Variants in THSD7A observed in about 807,000 individuals in gnomAD.
THSD7A encodes the protein thrombospondin type-1 domain-containing protein 7A.
Under a neutral mutation model 231.3 loss-of-function variants are expected in THSD7A, and 96 were observed. That is an observed-to-expected ratio of 0.41 (90% CI 0.35 to 0.49). The LOEUF (loss-of-function observed/expected upper bound fraction) is 0.49, where lower values mean the gene tolerates loss of function less well. THSD7A is among the 20% of genes least tolerant of loss of function. The pLI is 0.05. For synonymous variants in THSD7A, 940 were observed against 743.3 expected (o/e 1.26, Z -4.30); for missense variants, 2,290 against 2,070.2 (o/e 1.11, Z -2.06).
intron 1 of THSD7A, among the ~76,000 whole-genome samples, chr7:11,772,439 A>G (rs944234062): frequency 6.6e-6 from 1 of 152,182 alleles, no homozygotes; most frequent in Admixed American, 6.5e-5. Context: ...TCATCACAGC[A>G]CTATTCACAA....
At position 11,378,968 on chromosome 7, in the gene THSD7A, A is replaced by G. The variant is rs1357219201; in HGVS notation, c.4801+102T>C. The stretch of plus-strand genomic sequence containing the variant: ...AGAATAAATGCATGTAGATAAAATA[A>G]TCAATAGCTCATATAAAAATGCTTT... On this transcript the variant is annotated intron_variant, in intron 26 of 27. Coordinates refer to ENST00000423059, the MANE Select transcript of THSD7A (RefSeq NM_015204.3). The G allele has an allele frequency of 2.8e-6, 3 of 1,067,758 alleles. 1 individual carries two copies. Among genetic ancestry groups the G allele is most frequent in the Non-Finnish European group, 4.1e-6 (3 of 732,026 alleles). The allele number at this position is 1,067,758 out of a possible 1,614,324, so 66.1% of individuals were successfully genotyped here.
At chr7:11,691,631 A>G (rs1005796183) in intron 1 of THSD7A, among the ~76,000 whole-genome samples, 2 of 151,396 alleles carry the variant, frequency 1.3e-5, no homozygotes, top group African/African-American at 4.8e-5. Context: ...ACATAATAAC[A>G]TCTACAATGT....
chr7:11,415,083 G>C (rs1354854525), intron 17 of THSD7A, among the ~76,000 whole-genome samples: 10 of 152,224 alleles, frequency 6.6e-5, no homozygotes, highest in Middle Eastern at 3.2e-3. Flanking sequence ...CTCTTTGGAT[G>C]TGTAAAAAGA....
intron 7 of THSD7A, among the ~76,000 whole-genome samples, chr7:11,479,530 AC>A (rs1452338386): frequency 6.6e-6 from 1 of 152,336 alleles, no homozygotes; most frequent in East Asian, 1.9e-4. Flanking sequence ...GGAAAGACTG[AC>A]TTTTGTGTAG....
In THSD7A at chr7:11,632,755, T is replaced by C. The variant is rs2128358558; in HGVS notation, c.1022+3375A>G. ...CTCCATAAAAGTTGATCTATATTAG[T>C]TCTCCCATTAGGTCATTATTTCAAC... is the stretch of plus-strand genomic sequence containing the variant. On this transcript the variant is annotated intron_variant, in intron 2 of 27. Coordinates refer to ENST00000423059, the MANE Select transcript of THSD7A (RefSeq NM_015204.3). This position sits in a 1 kb window ranked among gnomAD's most constrained non-coding sequence, Gnocchi z 4.1. 6.6e-6 allele frequency among the ~76,000 whole-genome samples: 1 copy of C among 152,326 alleles called. No individual in the cohort carries two copies. The highest frequency in any genetic ancestry group is 2.4e-5 in the African/African-American group (1 of 41,576).
intron 13 of THSD7A, among the ~76,000 whole-genome samples, chr7:11,439,974 G>A (rs767256844): frequency 1.4e-4 from 21 of 152,126 alleles, no homozygotes; most frequent in South Asian, 8.3e-4. Flanking sequence ...CATAGCTAGA[G>A]AGGAAAAGTC....
At chr7:11,745,450 T>G (rs1243124250) in intron 1 of THSD7A, among the ~76,000 whole-genome samples, 1 of 152,140 alleles carries the variant, frequency 6.6e-6, no homozygotes, top group African/African-American at 2.4e-5. Context: ...TTAGTTTATT[T>G]ATATCCCATT....
intron 23 of THSD7A, among the ~76,000 whole-genome samples, chr7:11,389,190 C>G (rs1355444137): frequency 1.3e-5 from 2 of 152,012 alleles, no homozygotes; most frequent in African/African-American, 4.8e-5. Flanking sequence ...GTTGATCAGT[C>G]TATTATTGGC....
At chr7:11,714,947 G>C (rs1274771732) in intron 1 of THSD7A, among the ~76,000 whole-genome samples, 1 of 151,374 alleles carries the variant, frequency 6.6e-6, no homozygotes, top group Non-Finnish European at 1.5e-5. Context: ...AGGCACAGGA[G>C]AACAAACATT....
At chr7:11,460,844 A>T in intron 10 of THSD7A, 79 bp from the exon 11 acceptor site, 1 of 1,179,770 alleles carries the variant, frequency 8.5e-7, no homozygotes, top group South Asian at 1.3e-5. Flanking sequence ...GCATGGAAAC[A>T]TGACTTTGAC....
chr7:11,507,971 G>C (rs1252901893), intron 6 of THSD7A, among the ~76,000 whole-genome samples: 1 of 152,198 alleles, frequency 6.6e-6, no homozygotes, highest in Non-Finnish European at 1.5e-5. Flanking sequence ...GAGGCCTCAG[G>C]AAACTTAAAA....
rs565050824 is a variant in THSD7A, at chr7:11,654,289, C to T, written c.191-17328G>A. 2.6e-5 allele frequency among the ~76,000 whole-genome samples: 4 copies of T among 151,938 alleles called. No individual in the cohort carries two copies. In the South Asian group the frequency reaches 8.3e-4, roughly 32 times the overall value. On this transcript the variant is annotated intron_variant, in intron 1 of 27. Transcript: ENST00000423059. ...CCTACATTAAGTTTAAAATACAATG[C>T]CATAACTAGATTTGATCAATGTTGA...
chr7:11,392,485 A>T (rs545832630), intron 23 of THSD7A, among the ~76,000 whole-genome samples: 18 of 152,156 alleles, frequency 1.2e-4, no homozygotes, highest in African/African-American at 4.3e-4. Context: ...TAGTTGCAAG[A>T]GTTTTTTTTT....
At chr7:11,553,759 C>T (rs1789728015) in intron 4 of THSD7A, among the ~76,000 whole-genome samples, 1 of 151,914 alleles carries the variant, frequency 6.6e-6, no homozygotes, top group Non-Finnish European at 1.5e-5. Context: ...GAGGCTGATG[C>T]ATTTCTGTGG....
chr7:11,497,746 C>A (rs1787161792), intron 6 of THSD7A, among the ~76,000 whole-genome samples: 2 of 152,060 alleles, frequency 1.3e-5, no homozygotes, highest in South Asian at 4.1e-4. Context: ...AAATATAACA[C>A]CTTGCACTGA....
intron 6 of THSD7A, among the ~76,000 whole-genome samples, chr7:11,507,009 C>G (rs1326047680): frequency 1.3e-5 from 2 of 152,184 alleles, no homozygotes; most frequent in Non-Finnish European, 2.9e-5. Flanking sequence ...CTGTTCATCT[C>G]TCATTGCTGT....
At chr7:11,609,803 A>G (rs1444954861) in intron 2 of THSD7A, among the ~76,000 whole-genome samples, 1 of 152,104 alleles carries the variant, frequency 6.6e-6, no homozygotes, top group Non-Finnish European at 1.5e-5. Flanking sequence ...ATTCAGTTTT[A>G]TTGAATCAAA....
chr7:11,404,864 C>T (rs1485551885), intron 22 of THSD7A, among the ~76,000 whole-genome samples: 1 of 152,112 alleles, frequency 6.6e-6, no homozygotes, highest in Non-Finnish European at 1.5e-5. Context: ...ACTACAGGCA[C>T]TATGTCTTAG....
chr7:11,738,626 A>C (rs1365195764), intron 1 of THSD7A, among the ~76,000 whole-genome samples: 3 of 151,956 alleles, frequency 2.0e-5, no homozygotes, highest in African/African-American at 7.2e-5. Context: ...TAGGCAGAAT[A>C]ATGTCTCCTC....
Sources: gnomAD v4.1 joint callset for allele counts (sites outside exome capture counted in the v4.1 genomes callset) on GRCh38, gnomAD v4.1.1 for gene constraint, Gnocchi (gnomAD v3.1) non-coding constraint, MANE v1.5 for transcripts, NCBI Gene and HGNC (gene_info 2026-07-23, HGNC 2026-07-21) for gene names.